The following UTRN variants were observed in gnomAD, a reference collection of about 807,000 sequenced individuals.
UTRN encodes the protein utrophin.
In UTRN, 283 loss-of-function variants were observed where a neutral mutation model predicts 463.9. The ratio of observed to expected loss-of-function variants is 0.61; its 90% CI spans 0.55 to 0.67. The LOEUF (loss-of-function observed/expected upper bound fraction) is 0.67. Among genes scored for constraint, UTRN ranks in the 30% least tolerant of loss-of-function variants. The pLI, the probability that UTRN is intolerant of heterozygous loss-of-function variation, is 0.00. For missense variants in UTRN, 3,922 were observed against 4,084.3 expected, an observed-to-expected ratio of 0.96 and a Z score of 1.08; for synonymous variants, 1,442 against 1,431.5, an observed-to-expected ratio of 1.01 and a Z score of -0.17.
At chr6:144,628,799 C>T (rs1053271595) in intron 51 of UTRN, among the ~76,000 whole-genome samples, 7 of 152,142 alleles carry the variant, frequency 4.6e-5, no homozygotes, top group East Asian at 1.9e-4. Context: ...ATAGATCTGA[C>T]GATTCACAAC....
At chr6:144,661,685 A>C (rs543582392) in intron 51 of UTRN, among the ~76,000 whole-genome samples, 1 of 152,138 alleles carries the variant, frequency 6.6e-6, no homozygotes, top group Non-Finnish European at 1.5e-5. Context: ...AAAGGTATAG[A>C]GCATATGTTA....
intron 28 of UTRN, among the ~76,000 whole-genome samples, chr6:144,486,766 C>G (rs992904739): frequency 5.8e-4 from 88 of 152,262 alleles, no homozygotes; most frequent in Non-Finnish European, 1.1e-3. Context: ...GTGATCCACC[C>G]GCTTCGGCCT....
intron 51 of UTRN, among the ~76,000 whole-genome samples, chr6:144,677,539 A>C (rs535732971): frequency 6.6e-6 from 1 of 152,238 alleles, no homozygotes; most frequent in South Asian, 2.1e-4. Flanking sequence ...GGTTGGTTTC[A>C]AGTCTTTGTT....
chr6:144,446,613 C>T (rs1258360594), intron 14 of UTRN, among the ~76,000 whole-genome samples: 1 of 152,200 alleles, frequency 6.6e-6, no homozygotes, highest in African/African-American at 2.4e-5. Flanking sequence ...AGAAAACACA[C>T]ATTGTTGTCC....
At chr6:144,395,275 T>A (rs1782297636) in intron 2 of UTRN, among the ~76,000 whole-genome samples, 1 of 152,158 alleles carries the variant, frequency 6.6e-6, no homozygotes, top group Non-Finnish European at 1.5e-5. Flanking sequence ...ATGAAAATCT[T>A]CACTCCAGGA....
In UTRN at chr6:144,717,627, C is replaced by CTTTTTTTTTTTTTTTTTTTTTT. The variant is rs1333769413; in HGVS notation, c.7810-12724_7810-12723insTTTTTTTTTTTTTTTTTTTTTT. 7.1e-5 allele frequency among the ~76,000 whole-genome samples: 8 copies of CTTTTTTTTTTTTTTTTTTTTTT among 112,678 alleles called. 2 individuals carry two copies. In the East Asian group the frequency reaches 1.5e-3, roughly 22 times the overall value. 73.9% of individuals were successfully genotyped at this position (112,678 alleles called of 152,430 possible). On this transcript the variant is annotated intron_variant, in intron 53 of 74. Coordinates refer to ENST00000367545, the MANE Select transcript of UTRN (RefSeq NM_007124.3). ...ATTTTTTTCTTTTTCTTTTTCTTTT[C>CTTTTTTTTTTTTTTTTTTTTTT]TTTTTTCTTTTTTTTTTTTTTTTTT...
At chr6:144,525,515 A>G (rs1040195984) in intron 41 of UTRN, among the ~76,000 whole-genome samples, 2 of 152,118 alleles carry the variant, frequency 1.3e-5, no homozygotes, top group Non-Finnish European at 2.9e-5. Flanking sequence ...TTTCTATGGC[A>G]TCAGTTGTAA....
chr6:144,663,181 T>A (rs1353022353), intron 51 of UTRN, among the ~76,000 whole-genome samples: 2 of 152,056 alleles, frequency 1.3e-5, no homozygotes, highest in Non-Finnish European at 2.9e-5. Context: ...ACTCGAGTGG[T>A]ACCTAAAGAG....
rs563153748 is a variant in UTRN at position 144,307,543 on chromosome 6, G to A, written c.79+15636G>A. ...CTTTTTTTCTGAAATTAGATTGGCAGTCCAATACGCTGGCACGAACTGAGG... is the reference window on the plus strand; with the variant it reads ...CTTTTTTTCTGAAATTAGATTGGCAATCCAATACGCTGGCACGAACTGAGG... On this transcript the variant is annotated intron_variant, in intron 2 of 74. Transcript: ENST00000367545. Among the ~76,000 whole-genome samples, 34 of 152,284 alleles carry A rather than the reference G, an allele frequency of 2.2e-4. No homozygotes were observed. In the East Asian group the frequency reaches 6.2e-3, roughly 28 times the overall value.
chr6:144,404,629 G>T (rs1783222946), intron 3 of UTRN, among the ~76,000 whole-genome samples: 1 of 152,180 alleles, frequency 6.6e-6, no homozygotes, highest in Non-Finnish European at 1.5e-5. Context: ...AATTGCCTTA[G>T]AACTAATTTT....
intron 28 of UTRN, 22 bp downstream of exon 28, chr6:144,485,541 G>A (rs1176515411): frequency 3.1e-6 from 5 of 1,613,826 alleles, no homozygotes; most frequent in East Asian, 2.2e-5. Flanking sequence ...TGATCTCCAC[G>A]GCATTTCTCT....
At chr6:144,513,475 G>A (rs1350324679) in intron 35 of UTRN, among the ~76,000 whole-genome samples, 1 of 152,088 alleles carries the variant, frequency 6.6e-6, no homozygotes, top group African/African-American at 2.4e-5. Flanking sequence ...ACTTGAACCT[G>A]GGAGGTGGAG....
At chr6:144,433,663 C>T (rs1230713106) in intron 9 of UTRN, among the ~76,000 whole-genome samples, 19 of 151,594 alleles carry the variant, frequency 1.3e-4, no homozygotes, top group South Asian at 2.1e-4. Flanking sequence ...ACCTCCCAGA[C>T]GGGGTCGCGG....
rs375499592 is a variant in UTRN, at chr6:144,479,926, C to T, written c.3451C>T (p.Arg1151Trp). The change falls in exon 26 of 75, where the codon CGG (arginine) becomes TGG (tryptophan). Residue 1151 changes from arginine (R) to tryptophan (W), a missense_variant. Physicochemically the swap from Arg to Trp is moderately radical, Grantham distance 101. This residue lies in a region of UTRN where 2,349 missense variants were observed against 2,303.8 expected (regional missense o/e 1.02). Transcript: ENST00000367545. The part of the protein sequence containing the change: ...MTQAEEEYLE[R>W]DFEYKSPEEL... ...CCAGGCCGAGGAAGAATATTTGGAG[C>T]GGGATTTTGAGTACAAGTCACCAGA... is the stretch of plus-strand genomic sequence containing the variant. 1.7e-5 allele frequency: 28 copies of T among 1,613,898 alleles called. No homozygotes were observed. Among genetic ancestry groups the T allele is most frequent in the Middle Eastern group, 3.3e-4 (2 of 6,084 alleles).
chr6:144,555,602 T>G (rs1799309505), intron 49 of UTRN, among the ~76,000 whole-genome samples: 1 of 152,236 alleles, frequency 6.6e-6, no homozygotes, highest in Admixed American at 6.5e-5. Flanking sequence ...AGCTAATTTT[T>G]GTATTTTCTG....
chr6:144,325,631 A>C (rs978843633), intron 2 of UTRN, among the ~76,000 whole-genome samples: 7 of 152,198 alleles, frequency 4.6e-5, no homozygotes, highest in African/African-American at 1.4e-4. Context: ...TAGTTACAGC[A>C]CGTAAATTGA....
At chr6:144,611,368 G>A (rs1276430781) in intron 51 of UTRN, among the ~76,000 whole-genome samples, 8 of 152,184 alleles carry the variant, frequency 5.3e-5, no homozygotes, top group Non-Finnish European at 1.5e-5. Context: ...CCTAGCCAGA[G>A]CGATTAGGGA....
chr6:144,459,842 A>T (rs1789235449), intron 21 of UTRN, among the ~76,000 whole-genome samples: 1 of 152,012 alleles, frequency 6.6e-6, no homozygotes. Flanking sequence ...TTCCCACCTC[A>T]GCCTCCCAAA....
At chr6:144,695,226 A>C (rs1783867418) in intron 52 of UTRN, among the ~76,000 whole-genome samples, 2 of 152,212 alleles carry the variant, frequency 1.3e-5, no homozygotes, top group Non-Finnish European at 2.9e-5. Context: ...AGTGTTTTAC[A>C]GGTATTAACT....
Sources: gnomAD v4.1 joint callset for allele counts (sites outside exome capture counted in the v4.1 genomes callset) on GRCh38, gnomAD v4.1.1 for gene constraint, gnomAD v4.1.1 regional missense constraint, MANE v1.5 for transcripts, NCBI Gene and HGNC (gene_info 2026-07-23, HGNC 2026-07-21) for gene names.